CLASP1: variants seen among roughly 807,000 people sequenced by gnomAD.
The protein encoded by CLASP1 is CLIP-associating protein 1.
In CLASP1, 38 loss-of-function variants were observed where a neutral mutation model predicts 192.3. The observed-to-expected ratio is 0.20, with a 90% CI of 0.15 to 0.26. CLASP1 has a LOEUF of 0.26. Among genes scored for constraint, CLASP1 ranks in the 10% least tolerant of loss-of-function variants. The pLI, the probability that CLASP1 is intolerant of heterozygous loss-of-function variation, is 1.00. For synonymous variants in CLASP1, 691 were observed against 712.8 expected (o/e 0.97, Z 0.49); for missense variants, 1,433 against 1,932.5 (o/e 0.74, Z 4.85).
At chr2:121,362,585 C>T (rs1291523067) in intron 37 of CLASP1, among the ~76,000 whole-genome samples, 1 of 152,216 alleles carries the variant, frequency 6.6e-6, no homozygotes, top group Non-Finnish European at 1.5e-5. Flanking sequence ...GCACACTGAA[C>T]GGCTGGGAGG....
chr2:121,551,534 T>G (rs1304625387), intron 2 of CLASP1, among the ~76,000 whole-genome samples: 1 of 152,120 alleles, frequency 6.6e-6, no homozygotes, highest in Admixed American at 6.6e-5. Context: ...CAAAAATCAC[T>G]AGCATTCGTA....
At chr2:121,569,637 GA>G in intron 2 of CLASP1, among the ~76,000 whole-genome samples, 1 of 152,156 alleles carries the variant, frequency 6.6e-6, no homozygotes, top group African/African-American at 2.4e-5. Flanking sequence ...CAAATCACCT[GA>G]GATCAGGAGT....
At position 121,555,988 on chromosome 2, in the gene CLASP1, C is replaced by CTTTTTTTTTTT. The variant is rs34423741; in HGVS notation, c.196-25674_196-25664dup. Among the ~76,000 whole-genome samples the CTTTTTTTTTTT allele has an allele frequency of 1.4e-3, 59 of 42,396 alleles. 8 individuals are homozygous for CTTTTTTTTTTT. Among genetic ancestry groups the CTTTTTTTTTTT allele is most frequent in the African/African-American group, 2.5e-3 (23 of 9,090 alleles). 27.8% of individuals were successfully genotyped at this position (42,396 alleles called of 152,430 possible). The stretch of plus-strand genomic sequence containing the variant: ...CACGGCGCCTGCCCCCTACCCACCG[C>CTTTTTTTTTTT]TTTTTTTTTTTTTTTTTTTTTTTTT... On this transcript the variant is annotated intron_variant, in intron 2 of 39. Transcript: ENST00000263710.
At chr2:121,502,508 C>CAG (rs2093787481) in intron 8 of CLASP1, among the ~76,000 whole-genome samples, 1 of 152,176 alleles carries the variant, frequency 6.6e-6, no homozygotes. Flanking sequence ...GCAAATACTT[C>CAG]AGGCAGAAGG....
chr2:121,517,538 T>A (rs1013732108), intron 6 of CLASP1, among the ~76,000 whole-genome samples: 2 of 152,062 alleles, frequency 1.3e-5, no homozygotes, highest in African/African-American at 4.8e-5. Flanking sequence ...CTCTCCAACA[T>A]ATTTCAAGAT....
intron 2 of CLASP1, among the ~76,000 whole-genome samples, chr2:121,567,661 A>T (rs533957220): frequency 6.6e-6 from 1 of 152,216 alleles, no homozygotes; most frequent in African/African-American, 2.4e-5. Flanking sequence ...TTCTCCCTTT[A>T]ACTCCCTGGC....
chr2:121,565,539 C>T (rs1296695712), intron 2 of CLASP1, among the ~76,000 whole-genome samples: 2 of 152,208 alleles, frequency 1.3e-5, no homozygotes, highest in Admixed American at 6.5e-5. Flanking sequence ...ACATCCACAG[C>T]CAACCAAAGC....
intron 22 of CLASP1, among the ~76,000 whole-genome samples, chr2:121,421,711 T>C (rs1482651320): frequency 1.3e-5 from 2 of 152,066 alleles, no homozygotes; most frequent in African/African-American, 2.4e-5. Context: ...TCCAGCTAAG[T>C]TTTGTATCTT....
intron 2 of CLASP1, among the ~76,000 whole-genome samples, chr2:121,545,984 CAG>C (rs2057381727): frequency 6.6e-6 from 1 of 151,880 alleles, no homozygotes; most frequent in Non-Finnish European, 1.5e-5. Flanking sequence ...CCTTTTAAAA[CAG>C]AAAGATTCTT....
intron 1 of CLASP1, among the ~76,000 whole-genome samples, chr2:121,624,510 G>T: frequency 6.6e-6 from 1 of 152,072 alleles, no homozygotes. Flanking sequence ...TCCACCTCCT[G>T]GGTCCAAGCT....
intron 1 of CLASP1, among the ~76,000 whole-genome samples, chr2:121,629,435 T>C (rs753291424): frequency 4.6e-5 from 7 of 151,932 alleles, no homozygotes; most frequent in Non-Finnish European, 8.8e-5. Flanking sequence ...AATCTGTTCT[T>C]ATTGGACTTT....
intron 32 of CLASP1, among the ~76,000 whole-genome samples, chr2:121,383,973 T>A (rs77014855): frequency 1.4e-5 from 2 of 146,872 alleles, no homozygotes; most frequent in Middle Eastern, 3.5e-3. Context: ...AAAAAAAAAA[T>A]GACTTCCTCA....
intron 2 of CLASP1, among the ~76,000 whole-genome samples, chr2:121,579,519 A>G (rs942520941): frequency 6.6e-6 from 1 of 152,214 alleles, no homozygotes; most frequent in Non-Finnish European, 1.5e-5. Flanking sequence ...CCACTAATGC[A>G]ATTCTCATTC....
Position 121,417,007 on chromosome 2 carries a change from G to A in CLASP1, c.2320+1615C>T, listed in dbSNP as rs576426819. ...GGAAAAGCATGATACAAAAATTTTAGCTCGAAGACCTTAACTATTGCCCTG... is the reference window on the plus strand; with the variant it reads ...GGAAAAGCATGATACAAAAATTTTAACTCGAAGACCTTAACTATTGCCCTG... On this transcript the variant is annotated intron_variant, in intron 23 of 39. Transcript: ENST00000263710. Among the ~76,000 whole-genome samples, 75 of 152,318 alleles carry A rather than the reference G, an allele frequency of 4.9e-4. No individual in the cohort carries two copies. The South Asian group carries it at 0.015, about 31-fold the overall frequency.
intron 1 of CLASP1, among the ~76,000 whole-genome samples, chr2:121,643,559 C>A (rs937262676): frequency 6.6e-6 from 1 of 152,204 alleles, no homozygotes; most frequent in Non-Finnish European, 1.5e-5. Flanking sequence ...AAGATTATGA[C>A]TGTAAAAGTG....
intron 16 of CLASP1, among the ~76,000 whole-genome samples, chr2:121,449,526 CAT>C (rs1474024104): frequency 2.2e-5 from 3 of 139,260 alleles, no homozygotes; most frequent in Admixed American, 8.3e-5. Flanking sequence ...CCTTAGGTAA[CAT>C]GTGCAAAAGA....
At chr2:121,407,757 TAGAA>T in intron 24 of CLASP1, 42 bp from the exon 26 acceptor site, 4 of 1,612,636 alleles carry the variant, frequency 2.5e-6, no homozygotes, top group Non-Finnish European at 2.5e-6. Context: ...GAGGAAGAAA[TAGAA>T]AGGTGAAATG....
At chr2:121,447,141 T>C (rs915799561) in intron 19 of CLASP1, among the ~76,000 whole-genome samples, 196 bp downstream of exon 19, 17 of 152,152 alleles carry the variant, frequency 1.1e-4, no homozygotes, top group African/African-American at 3.9e-4. Context: ...CTAAAACGGA[T>C]GATGCATCGA....
chr2:121,530,697 G>A (rs2094761329), intron 2 of CLASP1: 1 of 519,168 alleles, frequency 1.9e-6, no homozygotes. Context: ...GGGTAAAACC[G>A]AGCCGCCGCT....
Sources: allele counts gnomAD v4.1 joint callset (sites outside exome capture counted in the v4.1 genomes callset), GRCh38; gene constraint gnomAD v4.1.1; transcripts MANE v1.5; gene names NCBI Gene and HGNC (gene_info 2026-07-23, HGNC 2026-07-21).